CAMK1D: variants seen among roughly 807,000 people sequenced by gnomAD.
The protein encoded by CAMK1D is calcium/calmodulin-dependent protein kinase type 1D.
CAMK1D carries 9 observed loss-of-function variants against 47.7 expected under a neutral mutation model. That is an observed-to-expected ratio of 0.19 (90% CI 0.11 to 0.33). The LOEUF (loss-of-function observed/expected upper bound fraction) is 0.33. Ranked by LOEUF, CAMK1D falls within the 10% of genes least tolerant of loss-of-function variation. CAMK1D has a pLI of 1.00. For missense variants in CAMK1D, 291 were observed against 488.7 expected (o/e 0.60, Z 3.81); for synonymous variants, 184 against 184.9 (o/e 0.99, Z 0.04).
At chr10:12,391,488 C>G (rs1216128742) in intron 1 of CAMK1D, among the ~76,000 whole-genome samples, 2 of 152,042 alleles carry the variant, frequency 1.3e-5, no homozygotes, top group African/African-American at 2.4e-5. Flanking sequence ...GCCAATTTTC[C>G]AGATGCCTGT....
chr10:12,516,623 G>C (rs1481716997), intron 1 of CAMK1D, among the ~76,000 whole-genome samples: 1 of 152,212 alleles, frequency 6.6e-6, no homozygotes, highest in Non-Finnish European at 1.5e-5. Flanking sequence ...TCATGATGCT[G>C]TTGCTCTATA....
intron 1 of CAMK1D, among the ~76,000 whole-genome samples, chr10:12,412,478 C>T (rs1338814692): frequency 8.6e-6 from 1 of 116,290 alleles, no homozygotes; most frequent in Non-Finnish European, 1.8e-5. Flanking sequence ...AAAAAATTAG[C>T]CAGGCGTGGC....
intron 2 of CAMK1D, among the ~76,000 whole-genome samples, chr10:12,626,049 C>T (rs1331458051): frequency 2.0e-5 from 3 of 152,182 alleles, no homozygotes; most frequent in Admixed American, 2.0e-4. Flanking sequence ...ACTGCACCAT[C>T]TCTGTAATCT....
chr10:12,665,622 A>G (rs1840404911), intron 2 of CAMK1D, among the ~76,000 whole-genome samples: 1 of 152,248 alleles, frequency 6.6e-6, no homozygotes. Context: ...AGAGCTAATT[A>G]TCACCTTGAG....
intron 2 of CAMK1D, among the ~76,000 whole-genome samples, chr10:12,582,188 A>G (rs1489322930): frequency 6.6e-6 from 1 of 152,168 alleles, no homozygotes; most frequent in East Asian, 1.9e-4. Context: ...GTCGAAGATC[A>G]GTGGCTGTAA....
intron 2 of CAMK1D, among the ~76,000 whole-genome samples, chr10:12,589,094 C>T (rs1837921083): frequency 6.6e-6 from 1 of 152,062 alleles, no homozygotes; most frequent in South Asian, 2.1e-4. Context: ...CTCCATCTCC[C>T]AGGCTTAAGC....
At chr10:12,723,478 G>T (rs547788752) in intron 3 of CAMK1D, among the ~76,000 whole-genome samples, 2 of 152,206 alleles carry the variant, frequency 1.3e-5, no homozygotes, top group East Asian at 3.9e-4. Flanking sequence ...CTTAAGGAAG[G>T]TTATCTACTG....
At chr10:12,361,334 C>T (rs952482869) in intron 1 of CAMK1D, among the ~76,000 whole-genome samples, 3 of 149,400 alleles carry the variant, frequency 2.0e-5, no homozygotes, top group Non-Finnish European at 4.4e-5. Flanking sequence ...GCAATCTCTG[C>T]CTCCCAGGTT....
At chr10:12,788,750 T>C (rs1365715676) in intron 5 of CAMK1D, among the ~76,000 whole-genome samples, 1 of 152,196 alleles carries the variant, frequency 6.6e-6, no homozygotes, top group Admixed American at 6.5e-5. Context: ...AATACGCTCT[T>C]AGCAGTCGGG....
At chr10:12,607,375 G>T (rs898493278) in intron 2 of CAMK1D, among the ~76,000 whole-genome samples, 5 of 152,146 alleles carry the variant, frequency 3.3e-5, no homozygotes, top group Non-Finnish European at 7.4e-5. Flanking sequence ...TGAAAGCATC[G>T]CTGTAAAGGA....
At chr10:12,361,707 C>G (rs1837670544) in intron 1 of CAMK1D, among the ~76,000 whole-genome samples, 1 of 151,566 alleles carries the variant, frequency 6.6e-6, no homozygotes, top group South Asian at 2.1e-4. Context: ...AGGCGCCCAC[C>G]ACCACGCCTG....
intron 3 of CAMK1D, among the ~76,000 whole-genome samples, chr10:12,697,476 G>T (rs773755905): frequency 6.6e-6 from 1 of 152,176 alleles, no homozygotes; most frequent in Non-Finnish European, 1.5e-5. Flanking sequence ...TCAGCTCACT[G>T]CAACCTCCGC....
intron 1 of CAMK1D, among the ~76,000 whole-genome samples, chr10:12,544,153 A>T (rs946845693): frequency 2.6e-5 from 4 of 152,232 alleles, no homozygotes; most frequent in Non-Finnish European, 4.4e-5. Context: ...TGTACAGCCT[A>T]TCATCAGGTG....
At chr10:12,433,802 G>C (rs1832554416) in intron 1 of CAMK1D, among the ~76,000 whole-genome samples, 1 of 152,222 alleles carries the variant, frequency 6.6e-6, no homozygotes, top group African/African-American at 2.4e-5. Context: ...ATCTTCTAGG[G>C]GCTGCAGTTT....
At chr10:12,594,029 A>G (rs1336533987) in intron 2 of CAMK1D, among the ~76,000 whole-genome samples, 1 of 152,174 alleles carries the variant, frequency 6.6e-6, no homozygotes, top group African/African-American at 2.4e-5. Context: ...ACAAAAAATT[A>G]GCCTGGCGTG....
At chr10:12,691,633 A>G (rs1832932775) in intron 3 of CAMK1D, among the ~76,000 whole-genome samples, 2 of 151,380 alleles carry the variant, frequency 1.3e-5, no homozygotes, top group South Asian at 4.2e-4. Flanking sequence ...ACAGGGTTTC[A>G]CCATATTGGC....
At chr10:12,743,702 T>C (rs562191600) in intron 3 of CAMK1D, among the ~76,000 whole-genome samples, 3 of 152,272 alleles carry the variant, frequency 2.0e-5, no homozygotes, top group African/African-American at 7.2e-5. Context: ...CATCTGGCAG[T>C]CATGAATCTA....
At chr10:12,506,730 G>T (rs1834886224) in intron 1 of CAMK1D, among the ~76,000 whole-genome samples, 1 of 152,132 alleles carries the variant, frequency 6.6e-6, no homozygotes, top group Admixed American at 6.5e-5. Context: ...GTGCTACCCG[G>T]GATGGTCTCG....
At chr10:12,615,632 T>A (rs897507367) in intron 2 of CAMK1D, among the ~76,000 whole-genome samples, 1 of 147,624 alleles carries the variant, frequency 6.8e-6, no homozygotes, top group Non-Finnish European at 1.5e-5. Context: ...GTAGTGTGAG[T>A]GCACGTGTTT....
Sources: allele counts gnomAD v4.1 joint callset (sites outside exome capture counted in the v4.1 genomes callset), GRCh38; gene constraint gnomAD v4.1.1; transcripts MANE v1.5; gene names NCBI Gene and HGNC (gene_info 2026-07-23, HGNC 2026-07-21).